The following STK32A variants were observed in gnomAD, a reference collection of about 807,000 sequenced individuals.
The protein encoded by STK32A is serine/threonine kinase 32A, also known as serine/threonine-protein kinase 32A.
Under a neutral mutation model 53.2 loss-of-function variants are expected in STK32A, and 41 were observed. The observed-to-expected ratio is 0.77, with a 90% CI of 0.60 to 1.00. The LOEUF (loss-of-function observed/expected upper bound fraction) is 1.00, where lower values mean the gene tolerates loss of function less well. STK32A is among the 50% of genes least tolerant of loss of function. The probability of loss-of-function intolerance (pLI) is 0.00; values close to 1 mark genes in which losing one functional copy is unlikely to be tolerated. For synonymous variants in STK32A, 166 were observed against 162.8 expected (o/e 1.02, Z -0.15); for missense variants, 458 against 485.8 (o/e 0.94, Z 0.54).
chr5:147,345,334 T>C (rs1000864720), intron 6 of STK32A, among the ~76,000 whole-genome samples: 6 of 152,224 alleles, frequency 3.9e-5, no homozygotes, highest in African/African-American at 1.4e-4. Context: ...CTTGATGCAA[T>C]GACTGTCACA....
chr5:147,281,396 T>G (rs1325825168), intron 4 of STK32A, among the ~76,000 whole-genome samples: 1 of 152,014 alleles, frequency 6.6e-6, no homozygotes, highest in African/African-American at 2.4e-5. Flanking sequence ...AGCAAATAGA[T>G]AGCTTAAAGA....
chr5:147,237,128 T>C (rs954671498), intron 1 of STK32A, among the ~76,000 whole-genome samples: 2 of 151,950 alleles, frequency 1.3e-5, no homozygotes, highest in African/African-American at 4.8e-5. Context: ...CTGGCTAACA[T>C]GGTGAAACCC....
chr5:147,281,520 G>A (rs1187487449), intron 4 of STK32A, among the ~76,000 whole-genome samples: 1 of 151,982 alleles, frequency 6.6e-6, no homozygotes, highest in Non-Finnish European at 1.5e-5. Flanking sequence ...AGAGCTCGAA[G>A]ACAAAGTCTT....
chr5:147,263,413 G>A (rs6870188), intron 2 of STK32A, among the ~76,000 whole-genome samples: 2 of 151,848 alleles, frequency 1.3e-5, no homozygotes, highest in Non-Finnish European at 1.5e-5. Context: ...GGATTCTCAG[G>A]CTTTTGGGGA....
intron 4 of STK32A, among the ~76,000 whole-genome samples, chr5:147,287,207 G>T (rs1192898693): frequency 6.6e-6 from 1 of 152,156 alleles, no homozygotes; most frequent in South Asian, 2.1e-4. Flanking sequence ...AGAGAAGCTT[G>T]CAGTATCTGT....
chr5:147,332,756 T>G (rs925388171), intron 5 of STK32A, among the ~76,000 whole-genome samples: 1 of 152,134 alleles, frequency 6.6e-6, no homozygotes, highest in Non-Finnish European at 1.5e-5. Context: ...GGGTATTAGG[T>G]TGATGTGTTC....
chr5:147,370,535 A>G, intron 8 of STK32A, 119 bp from the exon 9 acceptor site: 1 of 566,658 alleles, frequency 1.8e-6, no homozygotes, highest in South Asian at 2.5e-5. Flanking sequence ...TCAGCTGGAC[A>G]GGGTTAGAAA....
At chr5:147,283,308 A>G (rs1289163053) in intron 4 of STK32A, among the ~76,000 whole-genome samples, 1 of 152,150 alleles carries the variant, frequency 6.6e-6, no homozygotes, top group Non-Finnish European at 1.5e-5. Flanking sequence ...CTAAAAGCAA[A>G]GTTGATAGCC....
intron 2 of STK32A, among the ~76,000 whole-genome samples, chr5:147,272,869 T>G (rs1412588330): frequency 6.6e-6 from 1 of 152,204 alleles, no homozygotes; most frequent in African/African-American, 2.4e-5. Flanking sequence ...TAGTCTAAGG[T>G]TACACAGCTG....
At chr5:147,324,388 T>C (rs1311142859) in intron 5 of STK32A, among the ~76,000 whole-genome samples, 1 of 152,122 alleles carries the variant, frequency 6.6e-6, no homozygotes, top group Non-Finnish European at 1.5e-5. Flanking sequence ...AATAATTAAA[T>C]GGAGGTAGCA....
intron 4 of STK32A, among the ~76,000 whole-genome samples, chr5:147,320,799 G>A (rs1430595735): frequency 6.7e-6 from 1 of 148,538 alleles, no homozygotes; most frequent in Non-Finnish European, 1.5e-5. Flanking sequence ...AGCTTCTAAG[G>A]CTGAAGGGGG....
chr5:147,365,824 G>A (rs1756719987), intron 8 of STK32A, among the ~76,000 whole-genome samples: 1 of 152,230 alleles, frequency 6.6e-6, no homozygotes, highest in Admixed American at 6.5e-5. Context: ...GCCTAGGATT[G>A]TATTTAACTA....
chr5:147,355,677 CA>C (rs902443917), intron 7 of STK32A, among the ~76,000 whole-genome samples: 1 of 149,718 alleles, frequency 6.7e-6, no homozygotes, highest in Non-Finnish European at 1.5e-5. Context: ...GATTCCGTCT[CA>C]AAAAAAATAA....
intron 4 of STK32A, among the ~76,000 whole-genome samples, chr5:147,316,127 T>C (rs1400891399): frequency 6.6e-6 from 1 of 152,192 alleles, no homozygotes; most frequent in Non-Finnish European, 1.5e-5. Flanking sequence ...GATACTGTTA[T>C]TTTGAAAGTG....
At chr5:147,329,518 T>C (rs1754758716) in intron 5 of STK32A, among the ~76,000 whole-genome samples, 1 of 152,188 alleles carries the variant, frequency 6.6e-6, no homozygotes, top group South Asian at 2.1e-4. Flanking sequence ...GTGTGAAAAA[T>C]AGTCAAGTAA....
chr5:147,349,366 G>A (rs1234182680), intron 6 of STK32A, among the ~76,000 whole-genome samples: 1 of 152,206 alleles, frequency 6.6e-6, no homozygotes, highest in African/African-American at 2.4e-5. Flanking sequence ...TGTGGACTGT[G>A]GGCCCTGGAA....
chr5:147,331,029 A>T (rs1581102862), intron 5 of STK32A, among the ~76,000 whole-genome samples: 1 of 152,208 alleles, frequency 6.6e-6, no homozygotes, highest in Admixed American at 6.5e-5. Flanking sequence ...AATTTATAGG[A>T]AAAAATAAGA....
chr5:147,348,699 C>A, intron 6 of STK32A: 1 of 774,064 alleles, frequency 1.3e-6, no homozygotes, highest in South Asian at 1.4e-5. Context: ...ATACAGATAC[C>A]TGGCTCTCCT....
intron 4 of STK32A, among the ~76,000 whole-genome samples, chr5:147,318,935 A>G (rs993921094): frequency 4.6e-5 from 7 of 152,140 alleles, no homozygotes; most frequent in African/African-American, 1.7e-4. Flanking sequence ...GCCTTGGTGG[A>G]AATGCTCTCA....
Sources: gnomAD v4.1 joint callset for allele counts (sites outside exome capture counted in the v4.1 genomes callset) on GRCh38, gnomAD v4.1.1 for gene constraint, MANE v1.5 for transcripts, NCBI Gene and HGNC (gene_info 2026-07-23, HGNC 2026-07-21) for gene names.